The following OPCML variants were observed in gnomAD, a reference collection of about 807,000 sequenced individuals.
OPCML encodes the protein opioid binding protein/cell adhesion molecule like, also known as opioid-binding protein/cell adhesion molecule.
Under a neutral mutation model 37.8 loss-of-function variants are expected in OPCML, and 13 were observed. The observed-to-expected ratio is 0.34, with a 90% CI of 0.22 to 0.55. The LOEUF (loss-of-function observed/expected upper bound fraction) is 0.55. OPCML is among the 20% of genes least tolerant of loss of function. The pLI is 0.91. For missense variants in OPCML, 341 were observed against 435.6 expected (o/e 0.78, Z 1.93); for synonymous variants, 176 against 168.8 (o/e 1.04, Z -0.33).
At chr11:132,815,383 C>T (rs972011094) in intron 2 of OPCML, among the ~76,000 whole-genome samples, 1 of 152,158 alleles carries the variant, frequency 6.6e-6, no homozygotes, top group African/African-American at 2.4e-5. Flanking sequence ...GAAGGGGCTA[C>T]ACAAACATGT....
chr11:133,024,328 G>A (rs1947508458), intron 1 of OPCML: 1 of 984,436 alleles, frequency 1.0e-6, no homozygotes, highest in Admixed American at 6.2e-5. Context: ...CTCTGGGAAG[G>A]AAGTGCGTTC....
At chr11:133,344,650 C>A (rs969168779) in intron 1 of OPCML, among the ~76,000 whole-genome samples, 2 of 152,102 alleles carry the variant, frequency 1.3e-5, no homozygotes, top group African/African-American at 2.4e-5. Flanking sequence ...TTTTTGAGAA[C>A]CCCCCACACT....
intron 1 of OPCML, among the ~76,000 whole-genome samples, chr11:133,386,996 C>G (rs575772402): frequency 7.7e-4 from 117 of 152,330 alleles, no homozygotes; most frequent in African/African-American, 2.7e-3. Flanking sequence ...AGGACGATGA[C>G]AGCACATTGT....
chr11:133,240,308 A>G (rs1349361083), intron 1 of OPCML, among the ~76,000 whole-genome samples: 1 of 150,718 alleles, frequency 6.6e-6, no homozygotes, highest in Non-Finnish European at 1.5e-5. Context: ...TGTTGTATTT[A>G]TCGTCCCTCA....
chr11:133,289,321 C>A (rs545270165), intron 1 of OPCML, among the ~76,000 whole-genome samples: 93 of 152,242 alleles, frequency 6.1e-4, no homozygotes, highest in African/African-American at 2.1e-3. Flanking sequence ...AGTGGCCGGG[C>A]GCGGTGGCTC....
At chr11:133,118,009 T>G in intron 1 of OPCML, 6 of 870,316 alleles carry the variant, frequency 6.9e-6, no homozygotes, top group Non-Finnish European at 8.3e-6. Flanking sequence ...GCTTTTGTTT[T>G]CAACCTGAGT....
intron 4 of OPCML, among the ~76,000 whole-genome samples, chr11:132,462,817 T>C (rs1411428722): frequency 6.6e-6 from 1 of 152,056 alleles, no homozygotes; most frequent in Non-Finnish European, 1.5e-5. Context: ...GATAATTAGG[T>C]TTTGCTAGAA....
rs1255720590 is a variant in OPCML, at chr11:132,495,437, A to G, written c.505+33624T>C. Among the ~76,000 whole-genome samples, 3 of 152,352 alleles carry G rather than the reference A, an allele frequency of 2.0e-5. No individual in the cohort carries two copies. The East Asian group carries it at 5.8e-4, about 29-fold the overall frequency. ...AAACTTGAAAGTGAAGGTTTAATCC[A>G]AGAACTACATCAAATTATAATATAT... On this transcript the variant is annotated intron_variant, in intron 4 of 7. Coordinates refer to ENST00000524381, the MANE Select transcript of OPCML (RefSeq NM_001012393.5).
chr11:132,944,123 G>C (rs1372612233), intron 1 of OPCML, among the ~76,000 whole-genome samples: 1 of 151,676 alleles, frequency 6.6e-6, no homozygotes, highest in Non-Finnish European at 1.5e-5. Flanking sequence ...ACTTCGCTCC[G>C]TCCCGACACC....
chr11:132,901,030 A>G (rs887503696), intron 2 of OPCML, among the ~76,000 whole-genome samples: 4 of 152,082 alleles, frequency 2.6e-5, no homozygotes, highest in Non-Finnish European at 5.9e-5. Flanking sequence ...AAATACAAAA[A>G]TTAGCTGGGC....
chr11:133,015,072 A>T (rs1188817425), intron 1 of OPCML, among the ~76,000 whole-genome samples: 1 of 152,238 alleles, frequency 6.6e-6, no homozygotes, highest in Non-Finnish European at 1.5e-5. Context: ...TACAAACAGC[A>T]TAATGTTCTC....
At chr11:133,037,334 ACTTT>A (rs757532932) in intron 1 of OPCML, among the ~76,000 whole-genome samples, 6 of 152,262 alleles carry the variant, frequency 3.9e-5, no homozygotes, top group Admixed American at 3.3e-4. Context: ...AGTACTCAAA[ACTTT>A]CTTTATCTTG....
intron 1 of OPCML, among the ~76,000 whole-genome samples, chr11:132,961,745 A>G (rs192374140): frequency 1.8e-4 from 28 of 152,320 alleles, no homozygotes; most frequent in Middle Eastern, 3.4e-3. Flanking sequence ...TTAATAGCCT[A>G]CAGATCCCTG....
At chr11:133,008,994 T>C (rs1328705308) in intron 1 of OPCML, 3 of 985,332 alleles carry the variant, frequency 3.0e-6, no homozygotes, top group Admixed American at 6.1e-5. Context: ...TGGACTGACA[T>C]GGATTAATCT....
At chr11:132,822,498 A>AGTGAAGTGT (rs1940056501) in intron 2 of OPCML, among the ~76,000 whole-genome samples, 1 of 151,964 alleles carries the variant, frequency 6.6e-6, no homozygotes. Context: ...CTGACAGGAG[A>AGTGAAGTGT]GTGAAGTGTG....
chr11:133,356,491 A>C (rs1299416363), intron 1 of OPCML, among the ~76,000 whole-genome samples: 1 of 152,222 alleles, frequency 6.6e-6, no homozygotes, highest in East Asian at 1.9e-4. Flanking sequence ...AGTAGGAGCC[A>C]GAGGGTTGTC....
At chr11:132,618,694 G>A (rs2437833) in intron 3 of OPCML, among the ~76,000 whole-genome samples, 109,343 of 151,988 alleles carry the variant, frequency 0.72, 39,719 homozygotes, top group East Asian at 0.87. Flanking sequence ...TATAAAATTT[G>A]CTATTTTAAC....
intron 3 of OPCML, among the ~76,000 whole-genome samples, chr11:132,551,963 T>A (rs774794736): frequency 2.0e-5 from 3 of 152,180 alleles, no homozygotes; most frequent in Non-Finnish European, 4.4e-5. Context: ...ACAAATATCT[T>A]TGTCTGTGCT....
intron 1 of OPCML, among the ~76,000 whole-genome samples, chr11:133,485,111 C>T (rs536662917): frequency 2.0e-5 from 3 of 151,972 alleles, no homozygotes; most frequent in Admixed American, 6.6e-5. Context: ...CTATTGTCAT[C>T]GAAAAACAAC....
Sources: allele counts gnomAD v4.1 joint callset (sites outside exome capture counted in the v4.1 genomes callset), GRCh38; gene constraint gnomAD v4.1.1; transcripts MANE v1.5; gene names NCBI Gene and HGNC (gene_info 2026-07-23, HGNC 2026-07-21).